CATSPERT: variants seen among roughly 807,000 people sequenced by gnomAD.
CATSPERT encodes cation channel sperm-associated targeting subunit tau.
chr2:201,521,344 T>C, the CATSPERT span, among the ~76,000 whole-genome samples: 4 of 152,060 alleles, frequency 2.6e-5, no homozygotes, highest in Admixed American at 2.0e-4. Flanking sequence ...GAAGCATGGC[T>C]GGGAGGCCTC....
At chr2:201,573,900 A>G in the CATSPERT span, among the ~76,000 whole-genome samples, 1 of 152,066 alleles carries the variant, frequency 6.6e-6, no homozygotes, top group Non-Finnish European at 1.5e-5. Flanking sequence ...CAGGTGATTC[A>G]CCCACCTCGG....
the CATSPERT span, among the ~76,000 whole-genome samples, chr2:201,538,910 C>T: frequency 6.6e-5 from 10 of 152,088 alleles, no homozygotes; most frequent in Non-Finnish European, 1.5e-4. Context: ...TAAGTAAGAA[C>T]ATGTGGTATT....
the CATSPERT span, among the ~76,000 whole-genome samples, chr2:201,600,753 T>C: frequency 3.0e-5 from 1 of 32,924 alleles, no homozygotes; most frequent in Non-Finnish European, 1.0e-4. Flanking sequence ...AATAATGTCA[T>C]TCTTTTTTTT....
At chr2:201,541,395 G>T in the CATSPERT span, among the ~76,000 whole-genome samples, 1 of 151,486 alleles carries the variant, frequency 6.6e-6, no homozygotes, top group East Asian at 1.9e-4. Flanking sequence ...AAAATTCATT[G>T]TTGTCTTATT....
At chr2:201,593,088 A>G in the CATSPERT span, among the ~76,000 whole-genome samples, 1 of 151,692 alleles carries the variant, frequency 6.6e-6, no homozygotes, top group East Asian at 1.9e-4. Flanking sequence ...TGTCAATTTT[A>G]GATCTTTCCT....
the CATSPERT span, among the ~76,000 whole-genome samples, chr2:201,612,227 C>G: frequency 9.2e-5 from 14 of 152,076 alleles, no homozygotes; most frequent in Admixed American, 9.2e-4. Flanking sequence ...CCCAAGGTCC[C>G]ACAGGTCAAC....
At chr2:201,500,233 A>T in the CATSPERT span, among the ~76,000 whole-genome samples, 1 of 151,808 alleles carries the variant, frequency 6.6e-6, no homozygotes, top group South Asian at 2.1e-4. Flanking sequence ...AGAGGCCGAC[A>T]GTCAGGTGCA....
the CATSPERT span, among the ~76,000 whole-genome samples, chr2:201,528,132 T>C: frequency 6.7e-6 from 1 of 149,502 alleles, no homozygotes; most frequent in Non-Finnish European, 1.5e-5. Flanking sequence ...AAAAGATATA[T>C]ACACCACCAA....
At chr2:201,514,545 G>A in the CATSPERT span, among the ~76,000 whole-genome samples, 1 of 152,154 alleles carries the variant, frequency 6.6e-6, no homozygotes, top group African/African-American at 2.4e-5. Flanking sequence ...ACCTAATGAA[G>A]AATGTCTATG....
At chr2:201,487,624 T>A in the CATSPERT span, 14 of 1,611,002 alleles carry the variant, frequency 8.7e-6, no homozygotes, top group Non-Finnish European at 1.2e-5. Context: ...AATATCCTCT[T>A]TTAATTTTTT....
chr2:201,604,778 G>T, the CATSPERT span: 2 of 1,035,484 alleles, frequency 1.9e-6, no homozygotes, highest in South Asian at 1.7e-5. Context: ...ATTATTGTAT[G>T]AATCTCTAGT....
At chr2:201,496,574 C>G in the CATSPERT span, among the ~76,000 whole-genome samples, 1 of 152,174 alleles carries the variant, frequency 6.6e-6, no homozygotes, top group Admixed American at 6.5e-5. Flanking sequence ...AACTCCTGAC[C>G]TCAAGTGATC....
chr2:201,613,362 G>A, the CATSPERT span, among the ~76,000 whole-genome samples: 2 of 152,170 alleles, frequency 1.3e-5, no homozygotes, highest in African/African-American at 2.4e-5. Context: ...GCTTCCAGAA[G>A]AAGGATCAGA....
chr2:201,574,189 T>C, the CATSPERT span: 2 of 1,562,998 alleles, frequency 1.3e-6, no homozygotes, highest in Non-Finnish European at 1.7e-6. Context: ...AGAATAATCT[T>C]TTAAAAGAGG....
At chr2:201,558,888 C>A in the CATSPERT span, among the ~76,000 whole-genome samples, 3 of 152,146 alleles carry the variant, frequency 2.0e-5, no homozygotes, top group Non-Finnish European at 2.9e-5. Context: ...ACACTACACC[C>A]CAGTTGCACA....
chr2:201,510,863 C>T, the CATSPERT span, among the ~76,000 whole-genome samples: 22 of 152,298 alleles, frequency 1.4e-4, no homozygotes, highest in Admixed American at 1.2e-3. Flanking sequence ...AATTTGACCA[C>T]ATAGATGTTT....
At chr2:201,619,151 GTC>G in the CATSPERT span, 1 of 1,612,266 alleles carries the variant, frequency 6.2e-7, no homozygotes, top group East Asian at 2.2e-5. Flanking sequence ...TCTGCGGCCT[GTC>G]TGCGCCCAAC....
the CATSPERT span, among the ~76,000 whole-genome samples, chr2:201,591,343 T>C: frequency 1.3e-5 from 2 of 152,250 alleles, no homozygotes; most frequent in African/African-American, 4.8e-5. Context: ...CATTGATCTA[T>C]ATCTCTCTTT....
the CATSPERT span, among the ~76,000 whole-genome samples, chr2:201,609,010 A>G: frequency 2.0e-5 from 3 of 152,172 alleles, no homozygotes; most frequent in Non-Finnish European, 4.4e-5. Context: ...AAGAATAGCT[A>G]TGCCAGGAGC....
Sources: gnomAD v4.1 joint callset for allele counts (sites outside exome capture counted in the v4.1 genomes callset) on GRCh38, gnomAD v4.1.1 for gene constraint, MANE v1.5 for transcripts, NCBI Gene and HGNC (gene_info 2026-07-23, HGNC 2026-07-21) for gene names.